SGCZ: variants seen among roughly 807,000 people sequenced by gnomAD.
SGCZ encodes zeta-sarcoglycan.
In SGCZ, 40 loss-of-function variants were observed where a neutral mutation model predicts 41.3. That is an observed-to-expected ratio of 0.97 (90% CI 0.75 to 1.26). The LOEUF (loss-of-function observed/expected upper bound fraction) is 1.26. Among genes scored for constraint, SGCZ ranks in the 50% most tolerant of loss-of-function variants. The pLI is 0.00. For missense variants in SGCZ, 552 were observed against 369.8 expected (o/e 1.49, Z -4.04); for synonymous variants, 206 against 137.5 (o/e 1.50, Z -3.49).
At chr8:15,062,926 C>T (rs1249699671) in intron 1 of SGCZ, among the ~76,000 whole-genome samples, 3 of 152,022 alleles carry the variant, frequency 2.0e-5, no homozygotes, top group Non-Finnish European at 4.4e-5. Flanking sequence ...CCTAAGCTAA[C>T]AAAGTACTGC....
chr8:15,018,518 G>A (rs779425141), intron 1 of SGCZ, among the ~76,000 whole-genome samples: 2 of 152,192 alleles, frequency 1.3e-5, no homozygotes, highest in East Asian at 1.9e-4. Flanking sequence ...CCAGCCCTAC[G>A]TCTGGTGGAG....
chr8:14,159,296 T>G (rs567298810), intron 5 of SGCZ, among the ~76,000 whole-genome samples: 1 of 152,286 alleles, frequency 6.6e-6, no homozygotes, highest in Non-Finnish European at 1.5e-5. Context: ...CTTTTATGAC[T>G]GTTCTCCCAT....
chr8:14,675,959 G>A (rs894020270), intron 1 of SGCZ, among the ~76,000 whole-genome samples: 1 of 152,114 alleles, frequency 6.6e-6, no homozygotes, highest in Non-Finnish European at 1.5e-5. Flanking sequence ...ATAGATGGAA[G>A]GTAAACAGAA....
intron 4 of SGCZ, among the ~76,000 whole-genome samples, chr8:14,219,283 T>C (rs1010212160): frequency 6.6e-6 from 1 of 152,152 alleles, no homozygotes; most frequent in Non-Finnish European, 1.5e-5. Flanking sequence ...GCCTGTCGGA[T>C]CTACTACGGC....
At chr8:14,707,873 T>C (rs1403443376) in intron 1 of SGCZ, among the ~76,000 whole-genome samples, 1 of 152,124 alleles carries the variant, frequency 6.6e-6, no homozygotes, top group African/African-American at 2.4e-5. Flanking sequence ...GAATTTAAAA[T>C]ATATTAACAA....
At chr8:14,107,507 C>T (rs550227883) in intron 6 of SGCZ, among the ~76,000 whole-genome samples, 2 of 152,288 alleles carry the variant, frequency 1.3e-5, no homozygotes, top group East Asian at 1.9e-4. Context: ...CCATATTACC[C>T]TCTATATAAT....
intron 3 of SGCZ, among the ~76,000 whole-genome samples, chr8:14,305,853 T>C (rs944789099): frequency 1.3e-5 from 2 of 152,164 alleles, no homozygotes; most frequent in Non-Finnish European, 2.9e-5. Flanking sequence ...GATTGAGAAA[T>C]ACTTTCACTT....
chr8:14,394,576 C>G (rs1032495430), intron 2 of SGCZ, among the ~76,000 whole-genome samples: 3 of 152,138 alleles, frequency 2.0e-5, no homozygotes, highest in Non-Finnish European at 4.4e-5. Flanking sequence ...CGAGCCTTTT[C>G]TAGCATTCTC....
chr8:14,821,544 A>G (rs1802085344), intron 1 of SGCZ, among the ~76,000 whole-genome samples: 1 of 152,206 alleles, frequency 6.6e-6, no homozygotes, highest in East Asian at 1.9e-4. Flanking sequence ...ATCCCTGATG[A>G]ACATAGATGT....
intron 1 of SGCZ, among the ~76,000 whole-genome samples, chr8:14,562,308 G>C (rs1317270227): frequency 1.3e-5 from 2 of 152,100 alleles, no homozygotes; most frequent in Non-Finnish European, 2.9e-5. Context: ...ATATTTACGA[G>C]TGAAAACTAT....
chr8:14,100,224 A>G (rs569426873), intron 7 of SGCZ, among the ~76,000 whole-genome samples: 1 of 152,070 alleles, frequency 6.6e-6, no homozygotes, highest in East Asian at 1.9e-4. Flanking sequence ...TGATTTATTT[A>G]CAGCACAATA....
intron 5 of SGCZ, among the ~76,000 whole-genome samples, chr8:14,121,438 A>C (rs902405692): frequency 1.3e-5 from 2 of 152,120 alleles, no homozygotes; most frequent in Non-Finnish European, 2.9e-5. Context: ...ATAGAAAATA[A>C]TGCTCTTTTT....
intron 1 of SGCZ, among the ~76,000 whole-genome samples, chr8:14,997,002 G>C (rs765272511): frequency 1.3e-5 from 2 of 152,154 alleles, no homozygotes; most frequent in East Asian, 1.9e-4. Flanking sequence ...ATTTGAAAAG[G>C]GTAGTTATGT....
intron 2 of SGCZ, among the ~76,000 whole-genome samples, chr8:14,452,278 A>G (rs933331658): frequency 1.3e-5 from 2 of 152,154 alleles, no homozygotes; most frequent in African/African-American, 4.8e-5. Context: ...GGAAAAAGTA[A>G]GATTAGTCAC....
chr8:14,220,931 T>A (rs910272993), intron 4 of SGCZ, among the ~76,000 whole-genome samples: 1 of 152,190 alleles, frequency 6.6e-6, no homozygotes, highest in Non-Finnish European at 1.5e-5. Flanking sequence ...GTAACCATGT[T>A]GTCATTGTTA....
chr8:14,717,026 T>C (rs1809712079), intron 1 of SGCZ, among the ~76,000 whole-genome samples: 1 of 152,108 alleles, frequency 6.6e-6, no homozygotes, highest in African/African-American at 2.4e-5. Context: ...TAAAATCCAC[T>C]GAGAAACTAC....
intron 3 of SGCZ, among the ~76,000 whole-genome samples, chr8:14,284,461 G>C (rs13278809): frequency 0.14 from 21,813 of 152,222 alleles, 1,762 homozygotes; most frequent in Admixed American, 0.22. Flanking sequence ...TGGTGGATGT[G>C]CACATATATC....
chr8:14,781,812 T>C lies in SGCZ; in HGVS notation c.40-226886A>G, dbSNP rs150597307. 4.7e-3 allele frequency among the ~76,000 whole-genome samples: 715 copies of C among 152,222 alleles called. 9 individuals carry two copies. Among genetic ancestry groups the C allele is most frequent in the African/African-American group, 0.016 (654 of 41,534 alleles). On this transcript the variant is annotated intron_variant, in intron 1 of 7. Coordinates refer to ENST00000382080, the MANE Select transcript of SGCZ (RefSeq NM_139167.4). The stretch of plus-strand genomic sequence containing the variant: ...TGCCTACAACACTTACATTAACCTA[T>C]AGTTGGGCAAAATCATTGAACAAAA...
chr8:15,115,276 C>T (rs1321677556), intron 1 of SGCZ, among the ~76,000 whole-genome samples: 1 of 152,072 alleles, frequency 6.6e-6, no homozygotes, highest in Non-Finnish European at 1.5e-5. Context: ...TTCTAAATGT[C>T]TTGGCAGCAA....
Sources: gnomAD v4.1 joint callset for allele counts (sites outside exome capture counted in the v4.1 genomes callset) on GRCh38, gnomAD v4.1.1 for gene constraint, MANE v1.5 for transcripts, NCBI Gene and HGNC (gene_info 2026-07-23, HGNC 2026-07-21) for gene names.